Variants in FBXW11 observed in about 807,000 individuals in gnomAD.
FBXW11 encodes F-box and WD repeat domain containing 11, also known as F-box/WD repeat-containing protein 11.
Under a neutral mutation model 77.6 loss-of-function variants are expected in FBXW11, and 19 were observed. The observed-to-expected ratio is 0.24, with a 90% CI of 0.17 to 0.36. The LOEUF is 0.36. Ranked by LOEUF, FBXW11 falls within the 10% of genes least tolerant of loss-of-function variation. The pLI is 1.00. For missense variants in FBXW11, 334 were observed against 704.2 expected, an observed-to-expected ratio of 0.47 and a Z score of 5.95; for synonymous variants, 235 against 249.4, an observed-to-expected ratio of 0.94 and a Z score of 0.54.
At chr5:171,887,116 T>C (rs1466574962) in intron 7 of FBXW11, among the ~76,000 whole-genome samples, 1 of 152,206 alleles carries the variant, frequency 6.6e-6, no homozygotes, top group Non-Finnish European at 1.5e-5. Context: ...GTAGGCATTC[T>C]CAGAGCCTTT....
At chr5:171,894,572 T>C (rs866608022) in intron 6 of FBXW11, among the ~76,000 whole-genome samples, 5 of 152,094 alleles carry the variant, frequency 3.3e-5, no homozygotes, top group African/African-American at 1.2e-4. Flanking sequence ...CTCTTCTCAA[T>C]TCCCAAGGCC....
intron 1 of FBXW11, among the ~76,000 whole-genome samples, chr5:171,965,961 T>C (rs773752037): frequency 2.0e-5 from 3 of 152,150 alleles, no homozygotes; most frequent in Non-Finnish European, 4.4e-5. Flanking sequence ...TGTTTGAACA[T>C]GTGTGGAACT....
chr5:171,870,976 T>A lies in FBXW11; in HGVS notation c.1341-118A>T. The A allele has an allele frequency of 4.6e-6, 3 of 656,322 alleles. No individual in the cohort carries two copies. In the South Asian group the frequency reaches 5.8e-5, roughly 13 times the overall value. The allele number at this position is 656,322 out of a possible 1,614,324, so 40.7% of individuals were successfully genotyped here. On this transcript the variant is annotated intron_variant, in intron 10 of 13. Transcript: ENST00000517395. ...TTTTCACTATCTTGGAGCTCTTTATTTCTATCTCACTTCCAGTACACACCA... is the reference window on the plus strand; with the variant it reads ...TTTTCACTATCTTGGAGCTCTTTATATCTATCTCACTTCCAGTACACACCA...
intron 6 of FBXW11, among the ~76,000 whole-genome samples, chr5:171,891,902 C>CGTTTG (rs769229842): frequency 2.7e-4 from 41 of 152,014 alleles, no homozygotes; most frequent in Non-Finnish European, 5.0e-4. Flanking sequence ...CCGTTTGCAC[C>CGTTTG]CAAAACATGC....
At chr5:171,918,179 A>C (rs1761376656) in intron 2 of FBXW11, among the ~76,000 whole-genome samples, 1 of 152,026 alleles carries the variant, frequency 6.6e-6, no homozygotes, top group Admixed American at 6.6e-5. Flanking sequence ...CAAAAATCCT[A>C]ATTCCAAAAG....
chr5:171,947,436 C>T (rs561717741), intron 2 of FBXW11, among the ~76,000 whole-genome samples: 35 of 152,016 alleles, frequency 2.3e-4, no homozygotes, highest in African/African-American at 5.8e-4. Context: ...TGGTGGCCCA[C>T]GCCTGTAATC....
At chr5:171,966,358 C>T (rs1292821515) in intron 1 of FBXW11, among the ~76,000 whole-genome samples, 2 of 152,068 alleles carry the variant, frequency 1.3e-5, no homozygotes, top group African/African-American at 4.8e-5. Flanking sequence ...AAAAATCATC[C>T]TTGTCCACTT....
At chr5:171,891,643 T>A (rs1405545313) in intron 6 of FBXW11, 39 bp from the exon 7 acceptor site, 1 of 1,597,588 alleles carries the variant, frequency 6.3e-7, no homozygotes, top group Admixed American at 1.8e-5. Flanking sequence ...TTTTTATGAA[T>A]CAACTTACTC....
At chr5:171,995,906 G>C (rs1408524000) in intron 1 of FBXW11, among the ~76,000 whole-genome samples, 2 of 152,312 alleles carry the variant, frequency 1.3e-5, no homozygotes, top group South Asian at 2.1e-4. Context: ...ACTTCAGCAA[G>C]TGTAGTAAGA....
intron 5 of FBXW11, 31 bp downstream of exon 5, chr5:171,899,883 T>G (rs1760000505): frequency 6.5e-7 from 1 of 1,533,692 alleles, no homozygotes; most frequent in Admixed American, 1.9e-5. Flanking sequence ...AATAAAATTT[T>G]TTCAAGGGAA....
intron 2 of FBXW11, among the ~76,000 whole-genome samples, chr5:171,939,514 T>C (rs968636134): frequency 4.0e-5 from 6 of 151,706 alleles, no homozygotes; most frequent in Admixed American, 2.0e-4. Flanking sequence ...CTGTGCAACA[T>C]GCCAAGACCC....
chr5:171,910,508 C>T, intron 4 of FBXW11, 64 bp downstream of exon 4: 1 of 1,093,940 alleles, frequency 9.1e-7, no homozygotes, highest in Non-Finnish European at 1.3e-6. Flanking sequence ...CATAAATATC[C>T]ACCTAGGTCC....
chr5:171,916,032 T>A, intron 2 of FBXW11, among the ~76,000 whole-genome samples: 1 of 142,286 alleles, frequency 7.0e-6, no homozygotes, highest in East Asian at 2.1e-4. Flanking sequence ...AGGTAGGAAT[T>A]GAACAATGAG....
intron 2 of FBXW11, among the ~76,000 whole-genome samples, chr5:171,926,059 G>A (rs13167910): frequency 0.019 from 2,903 of 152,182 alleles, 39 homozygotes; most frequent in Middle Eastern, 0.027. Flanking sequence ...TATTATCTCT[G>A]TAATTTTTAT....
At chr5:172,006,322 G>A in intron 1 of FBXW11, 136 bp downstream of exon 1, 1 of 702,036 alleles carries the variant, frequency 1.4e-6, no homozygotes, top group Non-Finnish European at 2.1e-6. Context: ...CCGAGGCCAG[G>A]GAAGGCTGGG....
rs1466030874 is a variant in FBXW11, at chr5:171,861,633, C to T, written c.*2494G>A. ...ATTGCATGAAGCCAGATTAGGTGCA[C>T]TGCATAATACCCATACTCGATTTAT... is the stretch of plus-strand genomic sequence containing the variant. On this transcript the variant is annotated 3_prime_UTR_variant, in exon 14 of 14. Transcript: ENST00000517395. The T allele has an allele frequency of 6.6e-6, 1 of 152,630 alleles. No homozygotes were observed. The highest frequency in any genetic ancestry group is 2.4e-5 in the African/African-American group (1 of 41,462). The allele number at this position is 152,630 out of a possible 1,614,324, so 9.5% of individuals were successfully genotyped here.
In FBXW11 at chr5:171,869,285, T is replaced by G. The variant is rs974350641; in HGVS notation, c.1530+444A>C. 1.3e-5 allele frequency among the ~76,000 whole-genome samples: 2 copies of G among 152,156 alleles called. No individual in the cohort carries two copies. Among genetic ancestry groups the G allele is most frequent in the African/African-American group, 2.4e-5 (1 of 41,434 alleles). On this transcript the variant is annotated intron_variant, in intron 12 of 13. Transcript: ENST00000517395. This position sits in a 1 kb window ranked among gnomAD's most constrained non-coding sequence, Gnocchi z 4.1. ...AGAAGTGAAGAAACAGAAATAAAAC[T>G]ACTAAAATCTTTTTTAAATCTACCA... is the stretch of plus-strand genomic sequence containing the variant.
chr5:171,991,328 G>A (rs1185152243), intron 1 of FBXW11, among the ~76,000 whole-genome samples: 1 of 152,054 alleles, frequency 6.6e-6, no homozygotes, highest in African/African-American at 2.4e-5. Context: ...ACAAAAATAT[G>A]CCTCAAAAAT....
intron 1 of FBXW11, among the ~76,000 whole-genome samples, chr5:171,960,134 G>C (rs12716275): frequency 0.75 from 113,909 of 152,188 alleles, 45,609 homozygotes; most frequent in East Asian, 0.95. Flanking sequence ...CCAGCACTTT[G>C]GGAGGCCGAG....
Sources: gnomAD v4.1 joint callset for allele counts (sites outside exome capture counted in the v4.1 genomes callset) on GRCh38, gnomAD v4.1.1 for gene constraint, Gnocchi (gnomAD v3.1) non-coding constraint, MANE v1.5 for transcripts, NCBI Gene and HGNC (gene_info 2026-07-23, HGNC 2026-07-21) for gene names.